The following XPO7 variants were observed in gnomAD, a reference collection of about 807,000 sequenced individuals.
The protein encoded by XPO7 is exportin-7.
A neutral mutation model predicts 144.3 loss-of-function variants in XPO7; 21 were observed. The ratio of observed to expected loss-of-function variants is 0.15; its 90% CI spans 0.10 to 0.21. The LOEUF is 0.21. Ranked by LOEUF, XPO7 falls within the 10% of genes least tolerant of loss-of-function variation. The probability of loss-of-function intolerance (pLI) is 1.00; values close to 1 mark genes in which losing one functional copy is unlikely to be tolerated. For missense variants in XPO7, 808 were observed against 1,325.8 expected (o/e 0.61, Z 6.06); for synonymous variants, 580 against 499.6 (o/e 1.16, Z -2.15).
At chr8:21,997,627 G>A (rs936221454) in intron 21 of XPO7, among the ~76,000 whole-genome samples, 4 of 152,162 alleles carry the variant, frequency 2.6e-5, no homozygotes, top group African/African-American at 4.8e-5. Context: ...TAGTGCCTTC[G>A]CACAGCAGTA....
intron 1 of XPO7, chr8:21,921,441 G>A (rs916558296): frequency 3.3e-5 from 5 of 152,164 alleles, no homozygotes; most frequent in African/African-American, 1.2e-4. Flanking sequence ...TAGCCTTTGT[G>A]AACCATGCTT....
At chr8:21,987,322 G>A in intron 14 of XPO7, 46 bp downstream of exon 14, 3 of 1,610,678 alleles carry the variant, frequency 1.9e-6, no homozygotes, top group Non-Finnish European at 2.5e-6. Flanking sequence ...CTTCTCACTT[G>A]TGGGATTGCT....
intron 5 of XPO7, among the ~76,000 whole-genome samples, chr8:21,973,871 T>C (rs1812142639): frequency 6.6e-6 from 1 of 152,214 alleles, no homozygotes; most frequent in African/African-American, 2.4e-5. Context: ...ACAGGGAAAG[T>C]CAAAGACCAA....
chr8:21,935,950 T>C (rs1423657758), intron 1 of XPO7, among the ~76,000 whole-genome samples: 1 of 152,202 alleles, frequency 6.6e-6, no homozygotes. Flanking sequence ...TTTTCTTTTC[T>C]CAAAACCTTT....
At chr8:21,927,522 C>T (rs1208672072) in intron 1 of XPO7, among the ~76,000 whole-genome samples, 2 of 144,456 alleles carry the variant, frequency 1.4e-5, no homozygotes, top group African/African-American at 5.2e-5. Flanking sequence ...TAGGGTGAGA[C>T]TTAAAAAAAA....
intron 1 of XPO7, among the ~76,000 whole-genome samples, chr8:21,964,679 T>G (rs893703964): frequency 6.6e-6 from 1 of 152,218 alleles, no homozygotes; most frequent in Non-Finnish European, 1.5e-5. Flanking sequence ...TTTTGTTTTT[T>G]AAACAGTCTT....
chr8:21,958,288 T>C (rs555846249), intron 1 of XPO7, among the ~76,000 whole-genome samples: 3 of 152,160 alleles, frequency 2.0e-5, no homozygotes, highest in Admixed American at 2.0e-4. Context: ...CCATTGCTCC[T>C]AGGGGAAGTA....
intron 1 of XPO7, among the ~76,000 whole-genome samples, chr8:21,956,119 T>A (rs185434105): frequency 1.3e-3 from 202 of 152,318 alleles, no homozygotes; most frequent in African/African-American, 4.7e-3. Flanking sequence ...GAGGATAGAT[T>A]TTTGTGGCCT....
chr8:21,969,535 G>C lies in XPO7; in HGVS notation c.218G>C (p.Arg73Pro). The stretch of plus-strand genomic sequence containing the variant: ...ACATGCCTTACCAAGCTTGTATCAC[G>C]CACAAACAACCCCCTACCATTGGAA... ...AATCLTKLVSRTNNPLPLEQR... is the reference protein window; with the variant it reads ...AATCLTKLVSPTNNPLPLEQR... Residue 73 changes from arginine to proline, a missense_variant, in exon 3 of 28, where the codon CGC becomes CCC. Physicochemically the swap from Arg to Pro is moderately radical, Grantham distance 103 (BLOSUM62 -2). Coordinates refer to ENST00000252512, the MANE Select transcript of XPO7 (RefSeq NM_015024.5). 6.2e-7 allele frequency: 1 copy of C among 1,613,672 alleles called. No individual in the cohort carries two copies. Among genetic ancestry groups the C allele is most frequent in the Non-Finnish European group, 8.5e-7 (1 of 1,179,786 alleles).
chr8:21,999,344 T>A (rs1215613105), intron 23 of XPO7, 39 bp downstream of exon 23: 9 of 1,608,208 alleles, frequency 5.6e-6, no homozygotes, highest in African/African-American at 2.7e-5. Flanking sequence ...TTGTTCCTCA[T>A]CACATTCAGC....
chr8:21,964,804 G>A (rs555707383), intron 1 of XPO7, among the ~76,000 whole-genome samples: 1 of 152,344 alleles, frequency 6.6e-6, no homozygotes, highest in East Asian at 1.9e-4. Flanking sequence ...CTGCATGTAG[G>A]TTTTTAGCAG....
intron 11 of XPO7, 116 bp downstream of exon 11, chr8:21,982,928 C>G: frequency 7.9e-7 from 1 of 1,270,154 alleles, no homozygotes; most frequent in South Asian, 1.5e-5. Flanking sequence ...GGAGCCACTA[C>G]TGTTCATGGT....
chr8:21,986,135 C>CTTTT (rs573860240), intron 13 of XPO7, among the ~76,000 whole-genome samples: 4 of 132,270 alleles, frequency 3.0e-5, no homozygotes, highest in South Asian at 2.5e-4. Flanking sequence ...TTTATCAAAA[C>CTTTT]TTTTTTTTTT....
intron 1 of XPO7, among the ~76,000 whole-genome samples, chr8:21,943,417 C>T (rs1811058679): frequency 6.6e-6 from 1 of 152,144 alleles, no homozygotes; most frequent in Non-Finnish European, 1.5e-5. Context: ...TATTCTAATT[C>T]ACATCATCTG....
Position 21,994,423 on chromosome 8 carries a change from A to T in XPO7, c.2209A>T (p.Thr737Ser), listed in dbSNP as rs776003331. The T allele has an allele frequency of 3.2e-5, 52 of 1,612,178 alleles. No individual in the cohort carries two copies. The highest frequency in any genetic ancestry group is 6.7e-5 in the Admixed American group (4 of 59,954). Residue 737 changes from threonine to serine, a missense_variant, in exon 20 of 28, where the codon ACC (threonine) becomes TCC (serine). Thr to Ser is a moderately conservative substitution (Grantham distance 58). Transcript: ENST00000252512. The stretch of plus-strand genomic sequence containing the variant: ...GATCGCTTTCGCTTTCAATGCCAAG[A>T]CCAGCTTCATGATGCTCTTTGAATG... ...RGIAFAFNAKTSFMMLFEWIY... is the reference protein window; with the variant it reads ...RGIAFAFNAKSSFMMLFEWIY...
At chr8:21,934,014 G>T (rs936352980) in intron 1 of XPO7, among the ~76,000 whole-genome samples, 2 of 152,120 alleles carry the variant, frequency 1.3e-5, no homozygotes, top group Admixed American at 1.3e-4. Context: ...CATGCTTAAG[G>T]TTTAAACGAG....
rs1813285799 is a variant in XPO7, at chr8:22,005,185, CT to C, written c.*101del. On this transcript the variant is annotated 3_prime_UTR_variant, in exon 28 of 28. Coordinates refer to ENST00000252512, the MANE Select transcript of XPO7 (RefSeq NM_015024.5). The stretch of plus-strand genomic sequence containing the variant: ...GGAGAGGGCCTGGCTGATCCTGGCT[CT>C]TTTCTCCAGGGGTGTGGGGAAAATG... 5.7e-6 allele frequency: 6 copies of C among 1,053,774 alleles called. No individual in the cohort carries two copies. The highest frequency in any genetic ancestry group is 2.3e-4 in the Middle Eastern group (1 of 4,410). The allele number at this position is 1,053,774 out of a possible 1,614,324, so 65.3% of individuals were successfully genotyped here.
At chr8:21,920,125 C>T (rs1409318040) in intron 1 of XPO7, among the ~76,000 whole-genome samples, 1 of 151,222 alleles carries the variant, frequency 6.6e-6, no homozygotes, top group African/African-American at 2.4e-5. Context: ...CCCCCCCGCC[C>T]GCCCCCCGGT....
chr8:21,995,027 C>A (rs1812897358), intron 20 of XPO7, among the ~76,000 whole-genome samples: 2 of 151,678 alleles, frequency 1.3e-5, no homozygotes, highest in Non-Finnish European at 2.9e-5. Context: ...GCACTCCAGC[C>A]TGGGCGACAG....
Sources: gnomAD v4.1 joint callset for allele counts (sites outside exome capture counted in the v4.1 genomes callset) on GRCh38, gnomAD v4.1.1 for gene constraint, MANE v1.5 for transcripts, NCBI Gene and HGNC (gene_info 2026-07-23, HGNC 2026-07-21) for gene names.